The following POGLUT3 variants were observed in gnomAD, a reference collection of about 807,000 sequenced individuals.
POGLUT3 encodes protein O-glucosyltransferase 3.
Under a neutral mutation model 54.3 loss-of-function variants are expected in POGLUT3, and 48 were observed. The observed-to-expected ratio is 0.88, with a 90% confidence interval of 0.70 to 1.12. The LOEUF (loss-of-function observed/expected upper bound fraction) is 1.12, where lower values mean the gene tolerates loss of function less well. Ranked by LOEUF, POGLUT3 falls within the 50% of genes most tolerant of loss-of-function variation. POGLUT3 has a pLI of 0.00. For synonymous variants in POGLUT3, 218 were observed against 237.4 expected (o/e 0.92, Z 0.75); for missense variants, 629 against 618.7 (o/e 1.02, Z -0.18).
chr11:108,497,912 G>T (rs552342015), intron 1 of POGLUT3, among the ~76,000 whole-genome samples: 57 of 152,326 alleles, frequency 3.7e-4, no homozygotes, highest in African/African-American at 1.4e-3. Flanking sequence ...CCGTCCATTC[G>T]CAACATCAGT....
chr11:108,477,499 A>G (rs1374659125), intron 7 of POGLUT3, 108 bp downstream of exon 7: 2 of 692,064 alleles, frequency 2.9e-6, no homozygotes, highest in Admixed American at 2.6e-5. Flanking sequence ...CCAGTGGTCC[A>G]TAGGCTTGAC....
At position 108,486,186 on chromosome 11, in the gene POGLUT3, C is replaced by T. The variant is rs1489203452; in HGVS notation, c.655G>A (p.Asp219Asn). Residue 219 changes from aspartate (D) to asparagine (N), a missense_variant, in exon 3 of 8, where the codon GAT (aspartate) becomes AAT (asparagine). Physicochemically the swap from Asp to Asn is conservative, Grantham distance 23 (BLOSUM62 1). Transcript: ENST00000323468. Reference sequence around the variant, plus strand: ...CTTGTCAATGATAACAAAATCTCATCAGAGAACATCTTGAAGTCTGTGTAT... The same window carrying T: ...CTTGTCAATGATAACAAAATCTCATTAGAGAACATCTTGAAGTCTGTGTAT... ...GKYTDFKMFS[D>N]EILLSLTRKV... is the part of the protein sequence containing the mutation. The T allele has an allele frequency of 6.2e-7, 1 of 1,612,278 alleles. No individual in the cohort carries two copies. The highest frequency in any genetic ancestry group is 8.5e-7 in the Non-Finnish European group (1 of 1,178,558).
chr11:108,473,060 T>C lies in POGLUT3; in HGVS notation c.*1767A>G, dbSNP rs889493146. The C allele has an allele frequency of 1.3e-5, 2 of 151,876 alleles. No individual in the cohort carries two copies. The highest frequency in any genetic ancestry group is 4.8e-5 in the African/African-American group (2 of 41,310). The allele number at this position is 151,876 out of a possible 1,614,324, so 9.4% of individuals were successfully genotyped here. A position where few individuals can be genotyped will look rare whatever the true frequency, so the allele number is the denominator to read the frequency against. On this transcript the variant is annotated 3_prime_UTR_variant, in exon 8 of 8. Coordinates refer to ENST00000323468, the MANE Select transcript of POGLUT3 (RefSeq NM_153705.5). ...GTTAGGAGAATACATATTTTTATTTTTATTTTCAGTTTTTGAGATGGAGTC... is the reference window on the plus strand; with the variant it reads ...GTTAGGAGAATACATATTTTTATTTCTATTTTCAGTTTTTGAGATGGAGTC...
At chr11:108,478,502 TTG>T (rs916121900) in intron 6 of POGLUT3, among the ~76,000 whole-genome samples, 1 of 152,232 alleles carries the variant, frequency 6.6e-6, no homozygotes. Flanking sequence ...CGTCAAAAAG[TTG>T]TGTTATAAAA....
Position 108,474,962 on chromosome 11 carries a change from G to A in POGLUT3, c.1399-10C>T, listed in dbSNP as rs2093577787. On this transcript the variant is annotated splice_polypyrimidine_tract_variant and intron_variant, in intron 7 of 7. Transcript: ENST00000323468. ...GGCGCTCGGCATATTTCTGAAACGT[G>A]GGTTTAAAGGGAACTGAAAGGTTAG... 1 of 1,613,348 alleles carries A rather than the reference G, an allele frequency of 6.2e-7. No homozygotes were observed. Among genetic ancestry groups the A allele is most frequent in the African/African-American group, 1.3e-5 (1 of 74,848 alleles).
intron 3 of POGLUT3, among the ~76,000 whole-genome samples, chr11:108,485,168 G>A (rs1325484480): frequency 6.6e-6 from 1 of 152,032 alleles, no homozygotes; most frequent in Admixed American, 6.6e-5. Context: ...ACCTGTTTCT[G>A]GTAGCCCAAG....
intron 1 of POGLUT3, among the ~76,000 whole-genome samples, chr11:108,495,071 G>T (rs1036378734): frequency 5.9e-5 from 9 of 151,632 alleles, no homozygotes; most frequent in Non-Finnish European, 1.3e-4. Context: ...TTGTTATCTG[G>T]GTACTTGGAT....
chr11:108,476,780 C>A (rs912679220), intron 7 of POGLUT3, among the ~76,000 whole-genome samples: 1 of 152,110 alleles, frequency 6.6e-6, no homozygotes, highest in Admixed American at 6.6e-5. Context: ...GGTGTTAGAA[C>A]TGTTATACAT....
intron 2 of POGLUT3, among the ~76,000 whole-genome samples, chr11:108,488,526 G>T (rs541012292): frequency 6.6e-6 from 1 of 152,270 alleles, no homozygotes; most frequent in South Asian, 2.1e-4. Flanking sequence ...AGTCCAGGGA[G>T]ACCAAGGCAG....
intron 2 of POGLUT3, among the ~76,000 whole-genome samples, chr11:108,489,555 C>T: frequency 6.6e-6 from 1 of 152,136 alleles, no homozygotes; most frequent in East Asian, 1.9e-4. Context: ...AGTGGAACCA[C>T]ATCTTTAAAG....
In POGLUT3 at chr11:108,491,028, C is replaced by T. The variant is rs2093612152; in HGVS notation, c.342G>A (p.Leu114=). The stretch of plus-strand genomic sequence containing the variant: ...CATCACCATAAAGGACCTCTATCTT[C>T]AGGCCTTCATCGACAGTTTCATACA... ...YRMYETVDEG[L]KIEVLYGDEH... The change falls in exon 2 of 8, where the codon CTG becomes CTA. Residue 114 remains leucine (L), a synonymous_variant. Coordinates refer to ENST00000323468, the MANE Select transcript of POGLUT3 (RefSeq NM_153705.5). 3 of 1,613,976 alleles carry T rather than the reference C, an allele frequency of 1.9e-6. No individual in the cohort carries two copies. Among genetic ancestry groups the T allele is most frequent in the Non-Finnish European group, 2.5e-6 (3 of 1,179,970 alleles).
chr11:108,479,187 AAAT>A (rs2093587719), intron 6 of POGLUT3, 111 bp downstream of exon 6: 1 of 734,288 alleles, frequency 1.4e-6, no homozygotes, highest in Admixed American at 3.9e-5. Flanking sequence ...CAATTTCAGA[AAAT>A]AATATTTCTT....
intron 7 of POGLUT3, 116 bp from the exon 8 acceptor site, chr11:108,475,068 A>G (rs886977505): frequency 2.6e-5 from 28 of 1,075,252 alleles, no homozygotes; most frequent in Admixed American, 4.4e-5. Flanking sequence ...GTGTCTGCAG[A>G]CTAAAACCAA....
At chr11:108,475,463 G>GTTTTTTTTTTTTTTTTTTTTTTTTTTTT in intron 7 of POGLUT3, among the ~76,000 whole-genome samples, 1 of 109,926 alleles carries the variant, frequency 9.1e-6, no homozygotes, top group Non-Finnish European at 1.8e-5. Context: ...AGTTTTTTTT[G>GTTTTTTTTTTTTTTTTTTTTTTTTTTTT]TTTTTGTTTT....
chr11:108,479,381 T>C lies in POGLUT3; in HGVS notation c.1213A>G (p.Met405Val), dbSNP rs2093588289. 1 of 1,612,938 alleles carries C rather than the reference T, an allele frequency of 6.2e-7. No individual in the cohort carries two copies. The highest frequency in any genetic ancestry group is 1.7e-5 in the Admixed American group (1 of 59,514). Residue 405 changes from methionine (M) to valine (V), a missense_variant, in exon 6 of 8, where the codon ATG becomes GTG. Met to Val is a conservative substitution (Grantham distance 21, BLOSUM62 1). Coordinates refer to ENST00000323468, the MANE Select transcript of POGLUT3 (RefSeq NM_153705.5). ...QDSPYYEHFY[M>V]ALEPWKHYVP... ...TAATGCTTCCAAGGTTCTAGTGCCA[T>C]GTAGAAATGTTCATAATATGGCGAG... is the stretch of plus-strand genomic sequence containing the variant.
chr11:108,482,596 A>T (rs1456868810), intron 3 of POGLUT3, among the ~76,000 whole-genome samples: 1 of 152,016 alleles, frequency 6.6e-6, no homozygotes, highest in African/African-American at 2.4e-5. Context: ...AACTTACAAA[A>T]ATTAGCTGGG....
chr11:108,484,542 C>G (rs1026205165), intron 3 of POGLUT3, among the ~76,000 whole-genome samples: 1 of 152,054 alleles, frequency 6.6e-6, no homozygotes, highest in Non-Finnish European at 1.5e-5. Context: ...GGGCAGATTA[C>G]GAGGTCAGGA....
At chr11:108,497,477 G>T (rs1393658445) in intron 1 of POGLUT3, among the ~76,000 whole-genome samples, 2 of 152,170 alleles carry the variant, frequency 1.3e-5, no homozygotes, top group African/African-American at 4.8e-5. Context: ...TGACAACAGC[G>T]TGAAACCAGC....
intron 7 of POGLUT3, among the ~76,000 whole-genome samples, chr11:108,476,028 T>TC (rs2093581059): frequency 1.7e-4 from 26 of 152,118 alleles, no homozygotes; most frequent in Non-Finnish European, 3.1e-4. Flanking sequence ...TCCCAGCTAC[T>TC]AGTGGGAGGC....
Sources: allele counts gnomAD v4.1 joint callset (sites outside exome capture counted in the v4.1 genomes callset), GRCh38; gene constraint gnomAD v4.1.1; transcripts MANE v1.5; gene names NCBI Gene and HGNC (gene_info 2026-07-23, HGNC 2026-07-21).